The following GLMN variants were observed in gnomAD, a reference collection of about 807,000 sequenced individuals.
GLMN encodes glomulin.
GLMN carries 75 observed loss-of-function variants against 87.8 expected under a neutral mutation model. The ratio of observed to expected loss-of-function variants is 0.85; its 90% confidence interval spans 0.71 to 1.04. GLMN has a LOEUF of 1.04. GLMN is among the 50% of genes least tolerant of loss of function. The pLI is 0.00. For missense variants in GLMN, 588 were observed against 658.8 expected (o/e 0.89, Z 1.18); for synonymous variants, 206 against 221.6 (o/e 0.93, Z 0.63).
chr1:92,279,897 G>A (rs1389481436), intron 7 of GLMN, among the ~76,000 whole-genome samples: 2 of 152,160 alleles, frequency 1.3e-5, no homozygotes, highest in South Asian at 2.1e-4. Context: ...GCAGCTAGAC[G>A]GGAAGGGGTG....
chr1:92,262,439 C>T (rs1655158749), intron 16 of GLMN, among the ~76,000 whole-genome samples: 1 of 152,160 alleles, frequency 6.6e-6, no homozygotes, highest in Non-Finnish European at 1.5e-5. Context: ...GTGCTGTTAA[C>T]AAATTCTGTT....
At chr1:92,254,682 A>G (rs1210585591) in intron 16 of GLMN, among the ~76,000 whole-genome samples, 1 of 152,212 alleles carries the variant, frequency 6.6e-6, no homozygotes, top group Non-Finnish European at 1.5e-5. Flanking sequence ...TGAAGGAGAA[A>G]TAAAATCCTT....
At chr1:92,307,050 T>A in the GLMN span, 1 of 629,914 alleles carries the variant, frequency 1.6e-6, no homozygotes, top group East Asian at 2.8e-5. Flanking sequence ...GTTCAGTATC[T>A]TATTTCTTAC....
chr1:92,317,596 T>A, the GLMN span, among the ~76,000 whole-genome samples: 1 of 152,156 alleles, frequency 6.6e-6, no homozygotes, highest in Admixed American at 6.5e-5. Flanking sequence ...TTTGGGAAGA[T>A]GAAAAAGTGC....
chr1:92,271,999 T>C (rs565113337), intron 7 of GLMN, among the ~76,000 whole-genome samples: 15 of 152,206 alleles, frequency 9.9e-5, no homozygotes, highest in Middle Eastern at 3.4e-3. Context: ...TTGCTGGCTT[T>C]AAAGAACTAA....
chr1:92,250,128 A>G (rs1271545233), intron 16 of GLMN, among the ~76,000 whole-genome samples: 2 of 152,172 alleles, frequency 1.3e-5, no homozygotes, highest in South Asian at 4.1e-4. Flanking sequence ...GAACATAAAG[A>G]GTATAGGGAA....
At chr1:92,248,535 T>A (rs1450470447) in intron 16 of GLMN, 1 of 152,912 alleles carries the variant, frequency 6.5e-6, no homozygotes, top group Non-Finnish European at 1.5e-5. Context: ...GAGCATTTTC[T>A]CTTACAGTAC....
At chr1:92,304,023 G>T in the GLMN span, 11 of 1,613,036 alleles carry the variant, frequency 6.8e-6, no homozygotes, top group Non-Finnish European at 9.3e-6. Context: ...GTGGATGAAC[G>T]TTCTATTGTC....
At chr1:92,261,999 C>T (rs1170931032) in intron 16 of GLMN, among the ~76,000 whole-genome samples, 3 of 151,994 alleles carry the variant, frequency 2.0e-5, no homozygotes, top group African/African-American at 4.8e-5. Flanking sequence ...ACAGAGTAAG[C>T]ACTAGTCAAT....
chr1:92,354,010 C>T, the GLMN span, among the ~76,000 whole-genome samples: 3 of 152,178 alleles, frequency 2.0e-5, no homozygotes, highest in South Asian at 6.2e-4. Context: ...TCAGGCCATA[C>T]TCCACATTAA....
At chr1:92,335,128 T>G in the GLMN span, among the ~76,000 whole-genome samples, 4 of 151,118 alleles carry the variant, frequency 2.6e-5, no homozygotes, top group Non-Finnish European at 5.9e-5. Flanking sequence ...TTCTCCATAG[T>G]GGGTGTACTA....
At chr1:92,337,561 A>T in the GLMN span, among the ~76,000 whole-genome samples, 1 of 152,154 alleles carries the variant, frequency 6.6e-6, no homozygotes, top group Admixed American at 6.5e-5. Context: ...AAACTATCAA[A>T]CCTTCATAGA....
At chr1:92,308,937 G>A in the GLMN span, among the ~76,000 whole-genome samples, 1 of 151,638 alleles carries the variant, frequency 6.6e-6, no homozygotes, top group Non-Finnish European at 1.5e-5. Flanking sequence ...TCTAGCCTGG[G>A]CCACAGAGTG....
chr1:92,267,531 G>A (rs1486548037), intron 11 of GLMN, among the ~76,000 whole-genome samples: 3 of 151,614 alleles, frequency 2.0e-5, no homozygotes, highest in South Asian at 2.1e-4. Context: ...GTGAAACTCC[G>A]TCTCTACTAT....
chr1:92,269,847 T>TGA, intron 8 of GLMN, 71 bp from the exon 9 acceptor site: 1 of 1,010,128 alleles, frequency 9.9e-7, no homozygotes, highest in Non-Finnish European at 1.6e-6. Flanking sequence ...TACATATTGT[T>TGA]ATGGGTTGAA....
intron 16 of GLMN, among the ~76,000 whole-genome samples, chr1:92,252,337 T>G (rs936618746): frequency 1.5e-4 from 23 of 152,128 alleles, no homozygotes; most frequent in African/African-American, 5.3e-4. Flanking sequence ...GTTATTGCAA[T>G]GTGCCGTGAT....
intron 3 of GLMN, among the ~76,000 whole-genome samples, chr1:92,292,022 G>A (rs1414691347): frequency 1.3e-5 from 2 of 152,110 alleles, no homozygotes; most frequent in Non-Finnish European, 2.9e-5. Flanking sequence ...TATGTTCAAA[G>A]ATATTTCAGA....
At chr1:92,345,735 T>TA in the GLMN span, 62 of 644,258 alleles carry the variant, frequency 9.6e-5, no homozygotes, top group South Asian at 5.1e-4. Context: ...ACAAGTATTT[T>TA]AAAAAAAAGT....
At chr1:92,317,422 C>T in the GLMN span, among the ~76,000 whole-genome samples, 41 of 151,948 alleles carry the variant, frequency 2.7e-4, no homozygotes, top group African/African-American at 9.4e-4. Context: ...GCAGGACAAT[C>T]GCTTCAACCT....
Sources: allele counts gnomAD v4.1 joint callset (sites outside exome capture counted in the v4.1 genomes callset), GRCh38; gene constraint gnomAD v4.1.1; transcripts MANE v1.5; gene names NCBI Gene and HGNC (gene_info 2026-07-23, HGNC 2026-07-21).